The following NAA25 variants were observed in gnomAD, a reference collection of about 807,000 sequenced individuals.
The protein encoded by NAA25 is N-alpha-acetyltransferase 25, NatB auxiliary subunit.
A neutral mutation model predicts 132.5 loss-of-function variants in NAA25; 30 were observed. That is an observed-to-expected ratio of 0.23 (90% CI 0.17 to 0.31). The LOEUF is 0.31. Ranked by LOEUF, NAA25 falls within the 10% of genes least tolerant of loss-of-function variation. The probability of loss-of-function intolerance (pLI) is 1.00; values close to 1 mark genes in which losing one functional copy is unlikely to be tolerated. For synonymous variants in NAA25, 359 were observed against 401.9 expected, an observed-to-expected ratio of 0.89 and a Z score of 1.28; for missense variants, 771 against 1,150.4, an observed-to-expected ratio of 0.67 and a Z score of 4.77.
intron 15 of NAA25, among the ~76,000 whole-genome samples, chr12:112,051,539 T>TC (rs2078465871): frequency 6.6e-6 from 1 of 152,174 alleles, no homozygotes; most frequent in Non-Finnish European, 1.5e-5. Context: ...CCTCTAGGAC[T>TC]CTTCAAGATT....
rs2078175124 is a variant in NAA25, at chr12:112,033,289, G to A, written c.2740C>T (p.His914Tyr). 6.2e-7 allele frequency: 1 copy of A among 1,612,836 alleles called. No individual in the cohort carries two copies. Among genetic ancestry groups the A allele is most frequent in the South Asian group, 1.1e-5 (1 of 90,802 alleles). The stretch of plus-strand genomic sequence containing the variant: ...TCTTCAAGTTTAAGTGCAATTAGAT[G>A]TGTTTCAAGCCCTTTAATATGATCC... ...VVDHIKGLET[H>Y]LIALKLEELI... The change falls in exon 23 of 24, where the codon CAT becomes TAT. Residue 914 changes from histidine to tyrosine, a missense_variant. Around this residue, in one of 3 missense-constraint regions of NAA25, gnomAD observed 324 missense variants for 400.0 expected, o/e 0.81. Coordinates refer to ENST00000261745, the MANE Select transcript of NAA25 (RefSeq NM_024953.4).
intron 17 of NAA25, among the ~76,000 whole-genome samples, chr12:112,046,642 C>T (rs181804633): frequency 6.6e-6 from 1 of 152,338 alleles, no homozygotes; most frequent in Non-Finnish European, 1.5e-5. Flanking sequence ...TGATACATAT[C>T]ACTACAACTC....
In NAA25 at chr12:112,039,209, A is replaced by C; in HGVS notation, c.2649+20T>G. 1.4e-6 allele frequency: 2 copies of C among 1,416,814 alleles called. No homozygotes were observed. Among genetic ancestry groups the C allele is most frequent in the Non-Finnish European group, 2.0e-6 (2 of 1,019,352 alleles). 87.8% of individuals were successfully genotyped at this position (1,416,814 alleles called of 1,614,324 possible). On this transcript the variant is annotated intron_variant, in intron 22 of 23. Transcript: ENST00000261745. ...GTGGTCAGATTGTTCCTTGTATATCACTTGTGTTACTGTTATTACCATGAT... is the reference window on the plus strand; with the variant it reads ...GTGGTCAGATTGTTCCTTGTATATCCCTTGTGTTACTGTTATTACCATGAT...
chr12:112,078,289 T>A (rs375659368), intron 6 of NAA25, 23 bp from the exon 7 acceptor site: 4 of 1,515,054 alleles, frequency 2.6e-6, no homozygotes, highest in Non-Finnish European at 3.6e-6. Context: ...AAACAAGAAG[T>A]GCAACCTCTG....
At position 112,093,060 on chromosome 12, in the gene NAA25, A is replaced by G. The variant is rs745438703; in HGVS notation, c.135T>C (p.His45=). 2.7e-5 allele frequency: 44 copies of G among 1,609,342 alleles called. No individual in the cohort carries two copies. Among genetic ancestry groups the G allele is most frequent in the Non-Finnish European group, 3.2e-5 (38 of 1,176,346 alleles). The change falls in exon 2 of 24, where the codon CAT becomes CAC. Residue 45 remains histidine (H), a synonymous_variant. Transcript: ENST00000261745. The part of the protein sequence containing the change: ...DKLLKKHKDL[H]CAKVLKAIGL... ...GGGCAAATGAAGTTACCTTAGCACAATGAAGATCCTTATGTTTCTTCAACA... is the reference window on the plus strand; with the variant it reads ...GGGCAAATGAAGTTACCTTAGCACAGTGAAGATCCTTATGTTTCTTCAACA...
chr12:112,084,876 C>A (rs182260580), intron 4 of NAA25, among the ~76,000 whole-genome samples: 35 of 151,570 alleles, frequency 2.3e-4, no homozygotes, highest in African/African-American at 8.5e-4. Context: ...GCAGGTAGAT[C>A]ACTCGAGGTC....
At chr12:112,047,515 A>G (rs546339610) in intron 17 of NAA25, 150 bp downstream of exon 17, 233 of 872,226 alleles carry the variant, frequency 2.7e-4, no homozygotes, top group Non-Finnish European at 3.7e-4. Context: ...TACAGGCCTG[A>G]GCCACCGTGC....
At chr12:112,096,696 C>CG (rs2079217404) in intron 1 of NAA25, among the ~76,000 whole-genome samples, 1 of 152,212 alleles carries the variant, frequency 6.6e-6, no homozygotes, top group African/African-American at 2.4e-5. Context: ...CTTAGCTGAA[C>CG]TGACAGGCCA....
chr12:112,084,632 T>A (rs2079018632), intron 4 of NAA25, among the ~76,000 whole-genome samples: 1 of 150,254 alleles, frequency 6.7e-6, no homozygotes, highest in South Asian at 2.1e-4. Flanking sequence ...CTACTATAAA[T>A]ACAAAAAATT....
At chr12:112,085,708 T>A (rs2079036319) in intron 4 of NAA25, among the ~76,000 whole-genome samples, 1 of 152,056 alleles carries the variant, frequency 6.6e-6, no homozygotes. Flanking sequence ...ATGTTAGCAT[T>A]GCCAATTTTA....
At chr12:112,054,667 A>C in intron 13 of NAA25, 99 bp from the exon 14 acceptor site, 2 of 1,081,820 alleles carry the variant, frequency 1.8e-6, no homozygotes, top group Non-Finnish European at 2.6e-6. Context: ...ACCCCCCCCA[A>C]TAAATGAAGT....
intron 12 of NAA25, among the ~76,000 whole-genome samples, chr12:112,060,617 G>A (rs764349681): frequency 5.9e-5 from 9 of 152,166 alleles, no homozygotes; most frequent in Non-Finnish European, 1.2e-4. Context: ...GGGAGAGAAG[G>A]AAGATTTGAA....
At chr12:112,102,997 A>G (rs187487695) in intron 1 of NAA25, among the ~76,000 whole-genome samples, 76 of 144,062 alleles carry the variant, frequency 5.3e-4, no homozygotes, top group African/African-American at 1.8e-3. Flanking sequence ...CCTATTTTTT[A>G]TTTTTTTGAG....
chr12:112,082,699 G>A (rs1056486589), intron 4 of NAA25, among the ~76,000 whole-genome samples: 15 of 148,530 alleles, frequency 1.0e-4, no homozygotes, highest in Non-Finnish European at 1.9e-4. Context: ...AGGGAAAGTA[G>A]AGAGGAGAAC....
At chr12:112,081,818 A>G (rs1186744818) in intron 4 of NAA25, among the ~76,000 whole-genome samples, 1 of 152,240 alleles carries the variant, frequency 6.6e-6, no homozygotes, top group Non-Finnish European at 1.5e-5. Context: ...TAATTCAAAA[A>G]TTACATGGAG....
intron 22 of NAA25, 39 bp from the exon 23 acceptor site, chr12:112,033,418 A>G: frequency 6.4e-7 from 1 of 1,562,974 alleles, no homozygotes; most frequent in Non-Finnish European, 8.7e-7. Context: ...ACATTATCAA[A>G]CATATTACCC....
intron 1 of NAA25, among the ~76,000 whole-genome samples, chr12:112,104,752 C>T (rs958240320): frequency 6.6e-6 from 1 of 151,554 alleles, no homozygotes; most frequent in Non-Finnish European, 1.5e-5. Flanking sequence ...AGGAGAATGG[C>T]GTGAACCCGG....
chr12:112,069,032 C>G, intron 10 of NAA25, 40 bp from the exon 11 acceptor site: 1 of 1,115,798 alleles, frequency 9.0e-7, no homozygotes, highest in South Asian at 1.3e-5. Flanking sequence ...TACTCATGAA[C>G]AGAAGCAATT....
intron 4 of NAA25, among the ~76,000 whole-genome samples, chr12:112,086,073 T>TATATACACAC (rs759148501): frequency 3.1e-3 from 169 of 53,774 alleles, no homozygotes; most frequent in Non-Finnish European, 3.9e-3. Flanking sequence ...TATATATATA[T>TATATACACAC]ACACACACAC....
Sources: allele counts gnomAD v4.1 joint callset (sites outside exome capture counted in the v4.1 genomes callset), GRCh38; gene constraint gnomAD v4.1.1; regional missense constraint gnomAD v4.1.1; transcripts MANE v1.5; gene names NCBI Gene and HGNC (gene_info 2026-07-23, HGNC 2026-07-21).